Variants in EFCAB7 observed in about 807,000 individuals in gnomAD.
The protein encoded by EFCAB7 is EF-hand calcium binding domain 7, also known as EF-hand calcium-binding domain-containing protein 7.
A neutral mutation model predicts 77.1 loss-of-function variants in EFCAB7; 66 were observed. The ratio of observed to expected loss-of-function variants is 0.86; its 90% CI spans 0.70 to 1.05. The LOEUF (loss-of-function observed/expected upper bound fraction) is 1.05. Ranked by LOEUF, EFCAB7 falls within the 50% of genes least tolerant of loss-of-function variation. The pLI, the probability that EFCAB7 is intolerant of heterozygous loss-of-function variation, is 0.00. For missense variants in EFCAB7, 638 were observed against 730.5 expected (o/e 0.87, Z 1.46); for synonymous variants, 225 against 243.3 (o/e 0.92, Z 0.70).
the EFCAB7 span, among the ~76,000 whole-genome samples, chr1:63,582,899 C>G: frequency 6.6e-6 from 1 of 152,128 alleles, no homozygotes; most frequent in African/African-American, 2.4e-5. Flanking sequence ...GCCACCGCAC[C>G]CAGCCATGCA....
intron 10 of EFCAB7, among the ~76,000 whole-genome samples, chr1:63,558,363 C>G (rs1242732518): frequency 6.6e-6 from 1 of 152,176 alleles, no homozygotes; most frequent in Non-Finnish European, 1.5e-5. Flanking sequence ...AGCTTACCAT[C>G]TACCATGTAC....
chr1:63,539,082 T>C (rs1013772817), intron 6 of EFCAB7, among the ~76,000 whole-genome samples: 2 of 152,196 alleles, frequency 1.3e-5, no homozygotes, highest in African/African-American at 2.4e-5. Context: ...GAAAGACTTA[T>C]AATAAAAATG....
downstream of EFCAB7, among the ~76,000 whole-genome samples, chr1:63,574,592 A>G (rs916470926): frequency 1.3e-5 from 2 of 152,128 alleles, no homozygotes; most frequent in Non-Finnish European, 2.9e-5. Context: ...TTTTTTAGCT[A>G]CCTTATCAGC....
chr1:63,532,169 G>A (rs767716538), intron 3 of EFCAB7, 138 bp downstream of exon 3: 24 of 678,488 alleles, frequency 3.5e-5, no homozygotes, highest in Admixed American at 6.1e-5. Context: ...TATTTATAAC[G>A]TACTTAGGAA....
chr1:63,552,084 G>A (rs1406350764), intron 8 of EFCAB7, among the ~76,000 whole-genome samples: 1 of 151,952 alleles, frequency 6.6e-6, no homozygotes, highest in Non-Finnish European at 1.5e-5. Context: ...GCTGGGCATG[G>A]TGGCATGCAC....
At chr1:63,563,792 T>C (rs1647138617) in intron 11 of EFCAB7, among the ~76,000 whole-genome samples, 1 of 152,190 alleles carries the variant, frequency 6.6e-6, no homozygotes, top group Non-Finnish European at 1.5e-5. Flanking sequence ...AATTCTCTAA[T>C]TTAGGCTGTA....
At chr1:63,568,565 T>C (rs767262644) in intron 12 of EFCAB7, 46 bp downstream of exon 12, 19 of 1,452,184 alleles carry the variant, frequency 1.3e-5, no homozygotes, top group Non-Finnish European at 1.8e-5. Flanking sequence ...CAAAGCTTAC[T>C]AATATATTTC....
intron 6 of EFCAB7, among the ~76,000 whole-genome samples, chr1:63,539,808 A>G (rs1216655751): frequency 1.3e-5 from 2 of 152,238 alleles, no homozygotes; most frequent in African/African-American, 2.4e-5. Flanking sequence ...ATCAAAACTG[A>G]TTGAAAGCAT....
the EFCAB7 span, among the ~76,000 whole-genome samples, chr1:63,580,834 T>C: frequency 6.6e-6 from 1 of 152,196 alleles, no homozygotes; most frequent in Non-Finnish European, 1.5e-5. Context: ...TTATGAGCTG[T>C]TTGTATTTTT....
chr1:63,583,461 C>T, the EFCAB7 span, among the ~76,000 whole-genome samples: 18 of 152,146 alleles, frequency 1.2e-4, no homozygotes, highest in Non-Finnish European at 2.2e-4. Context: ...CCACCTTTTA[C>T]AGTTTTTTTG....
intron 11 of EFCAB7, among the ~76,000 whole-genome samples, chr1:63,566,332 A>G (rs1647171983): frequency 2.6e-5 from 4 of 152,202 alleles, no homozygotes; most frequent in Admixed American, 6.5e-5. Context: ...AACAACACAC[A>G]CTAGAGCCTA....
At chr1:63,542,861 CCT>C in intron 6 of EFCAB7, among the ~76,000 whole-genome samples, 1 of 152,072 alleles carries the variant, frequency 6.6e-6, no homozygotes, top group Non-Finnish European at 1.5e-5. Flanking sequence ...TATATTAATC[CCT>C]TTTTGGATAT....
At chr1:63,543,551 A>G (rs889358890) in intron 6 of EFCAB7, among the ~76,000 whole-genome samples, 4 of 152,238 alleles carry the variant, frequency 2.6e-5, no homozygotes, top group African/African-American at 9.6e-5. Context: ...AGAGATTTTT[A>G]ATAAAATATG....
chr1:63,559,455 T>G (rs1290037178), intron 10 of EFCAB7, among the ~76,000 whole-genome samples: 2 of 152,128 alleles, frequency 1.3e-5, no homozygotes, highest in African/African-American at 4.8e-5. Context: ...AAGTTCATAG[T>G]TTACATTAGG....
At chr1:63,524,588 A>G (rs1302158719) in intron 1 of EFCAB7, among the ~76,000 whole-genome samples, 1 of 152,192 alleles carries the variant, frequency 6.6e-6, no homozygotes, top group Non-Finnish European at 1.5e-5. Flanking sequence ...GAAATATTCA[A>G]TTTATTAGGT....
chr1:63,563,404 A>G (rs112922726), intron 11 of EFCAB7, among the ~76,000 whole-genome samples: 6 of 152,244 alleles, frequency 3.9e-5, no homozygotes, highest in African/African-American at 1.4e-4. Flanking sequence ...ACTATAAAGG[A>G]GAGCTATGCT....
At chr1:63,555,289 A>T in intron 8 of EFCAB7, 69 bp from the exon 9 acceptor site, 1 of 1,458,842 alleles carries the variant, frequency 6.9e-7, no homozygotes, top group Non-Finnish European at 9.2e-7. Context: ...AAGAAATATT[A>T]AAAGCTTTAA....
intron 11 of EFCAB7, among the ~76,000 whole-genome samples, chr1:63,564,177 G>A (rs217473): frequency 0.97 from 147,123 of 152,234 alleles, 71,108 homozygotes; most frequent in Middle Eastern, 0.99. Context: ...AGTCTTCCCC[G>A]TCTTCCTTAT....
At chr1:63,563,992 A>G (rs1647141797) in intron 11 of EFCAB7, among the ~76,000 whole-genome samples, 1 of 152,124 alleles carries the variant, frequency 6.6e-6, no homozygotes, top group Non-Finnish European at 1.5e-5. Flanking sequence ...TTTAAAATAG[A>G]ATTTCATGAT....
Sources: allele counts gnomAD v4.1 joint callset (sites outside exome capture counted in the v4.1 genomes callset), GRCh38; gene constraint gnomAD v4.1.1; transcripts MANE v1.5; gene names NCBI Gene and HGNC (gene_info 2026-07-23, HGNC 2026-07-21).